The following OPHN1 variants were observed in gnomAD, a reference collection of about 807,000 sequenced individuals.
The protein encoded by OPHN1 is oligophrenin 1.
A neutral mutation model predicts 60.7 loss-of-function variants in OPHN1; 11 were observed. The ratio of observed to expected loss-of-function variants is 0.18; its 90% CI spans 0.11 to 0.30. OPHN1 has a LOEUF of 0.30. OPHN1 is among the 10% of genes least tolerant of loss of function. The probability of loss-of-function intolerance (pLI) is 1.00; values close to 1 mark genes in which losing one functional copy is unlikely to be tolerated. For synonymous variants in OPHN1, 226 were observed against 222.6 expected (o/e 1.02, Z -0.14); for missense variants, 449 against 611.0 (o/e 0.73, Z 2.80).
intron 19 of OPHN1, among the ~76,000 whole-genome samples, chrX:68,094,141 T>C: frequency 9.0e-6 from 1 of 111,067 alleles, no homozygotes; most frequent in Non-Finnish European, 1.9e-5. Flanking sequence ...ATTGCTCCAA[T>C]ACAATTCATT....
Position 68,370,011 on chromosome X carries a change from A to AATATATATATATAT in OPHN1, c.154+62842_154+62855dup, listed in dbSNP as rs761607454. On this transcript the variant is annotated intron_variant, in intron 2 of 24. Transcript: ENST00000355520. ...ACAGTGGGATGGCATAAATTGCTGA[A>AATATATATATATAT]ATATATATATATATATATATATATA... 6.0e-3 allele frequency among the ~76,000 whole-genome samples: 389 copies of AATATATATATATAT among 64,298 alleles called. 10 individuals carry two copies. The highest frequency in any genetic ancestry group is 0.027 in the African/African-American group (339 of 12,778). The allele number at this position is 64,298 out of a possible 115,157, so 55.8% of individuals were successfully genotyped here.
chrX:68,155,460 G>A (rs1602196331), intron 15 of OPHN1, among the ~76,000 whole-genome samples: 1 of 112,072 alleles, frequency 8.9e-6, no homozygotes, highest in East Asian at 2.8e-4. Flanking sequence ...CTGCCACCAT[G>A]TGAAGAAGGT....
intron 2 of OPHN1, among the ~76,000 whole-genome samples, chrX:68,345,868 C>T (rs980075062): frequency 1.6e-4 from 18 of 112,144 alleles, no homozygotes; most frequent in African/African-American, 5.5e-4. Flanking sequence ...AATCGGCTCA[C>T]GCCTATAATC....
At chrX:68,271,421 C>T (rs774898630) in intron 5 of OPHN1, among the ~76,000 whole-genome samples, 84 of 109,034 alleles carry the variant, frequency 7.7e-4, no homozygotes, top group Non-Finnish European at 1.4e-3. Flanking sequence ...CCTGTAGTCC[C>T]AGCAACTTGA....
At chrX:68,319,028 C>T (rs1438756141) in intron 2 of OPHN1, among the ~76,000 whole-genome samples, 1 of 111,586 alleles carries the variant, frequency 9.0e-6, no homozygotes, top group Non-Finnish European at 1.9e-5. Context: ...ACCTTGATCA[C>T]CTGGATAACG....
At chrX:68,064,610 A>T (rs992752834) in intron 20 of OPHN1, among the ~76,000 whole-genome samples, 2 of 112,143 alleles carry the variant, frequency 1.8e-5, no homozygotes, top group Non-Finnish European at 3.8e-5. Context: ...AACATACTTT[A>T]ACTTCGTTCT....
chrX:68,108,569 GCTTTAT>G (rs1877542714), intron 18 of OPHN1, among the ~76,000 whole-genome samples: 1 of 109,399 alleles, frequency 9.1e-6, no homozygotes, highest in Admixed American at 9.7e-5. Context: ...TTACTTTTTT[GCTTTAT>G]CTTTATAAGA....
At chrX:68,117,280 T>C (rs1448701117) in intron 16 of OPHN1, among the ~76,000 whole-genome samples, 4 of 111,695 alleles carry the variant, frequency 3.6e-5, no homozygotes, top group African/African-American at 1.3e-4. Flanking sequence ...CAACTCCTAC[T>C]TAGTTGATTC....
chrX:68,249,745 C>T (rs1225996983), intron 5 of OPHN1, among the ~76,000 whole-genome samples: 3 of 111,453 alleles, frequency 2.7e-5, no homozygotes, highest in Admixed American at 9.6e-5. Flanking sequence ...TCCCAGCATG[C>T]GGAACAGGCA....
chrX:68,112,004 ACT>A lies in OPHN1; in HGVS notation c.1421-47_1421-46del, dbSNP rs776157016. 5 of 904,524 alleles carry A rather than the reference ACT, an allele frequency of 5.5e-6. No individual in the cohort carries two copies. In the African/African-American group the frequency reaches 9.9e-5, roughly 18 times the overall value. The allele number at this position is 904,524 out of a possible 1,213,427, so 74.5% of individuals were successfully genotyped here. ...GATAAATGGTTTGGCTTTCTGGGCA[ACT>A]GGATTGAGCAAAATTCTCACATATA... is the stretch of plus-strand genomic sequence containing the variant. On this transcript the variant is annotated intron_variant, in intron 17 of 24. Coordinates refer to ENST00000355520, the MANE Select transcript of OPHN1 (RefSeq NM_002547.3).
chrX:68,054,418 G>A (rs2076864563), intron 21 of OPHN1, among the ~76,000 whole-genome samples: 1 of 110,479 alleles, frequency 9.1e-6, no homozygotes, highest in Non-Finnish European at 1.9e-5. Flanking sequence ...ATGTGAACTG[G>A]GCTTATTTTA....
intron 15 of OPHN1, among the ~76,000 whole-genome samples, chrX:68,169,916 A>C (rs868037174): frequency 0.11 from 11,435 of 105,282 alleles, 891 homozygotes; most frequent in African/African-American, 0.26. Flanking sequence ...GCAACAAAAG[A>C]CAAAATTGAC....
rs777790475 is a variant in OPHN1 at position 68,210,214 on chromosome X, G to C, written c.771C>G (p.Pro257=). ...GCTGTCCTGGAAGTTTGCATGTCTG[G>C]GGAGCTTCTTTCATCCTTTTCTTAA... is the stretch of plus-strand genomic sequence containing the variant. The part of the protein sequence containing the change: ...EELKKRMKEA[P]QTCKLPGQPT... Residue 257 remains proline, a synonymous_variant, in exon 9 of 25, where the codon CCC becomes CCG. Transcript: ENST00000355520. The C allele has an allele frequency of 8.3e-7, 1 of 1,206,455 alleles. No individual in the cohort carries two copies. The highest frequency in any genetic ancestry group is 1.8e-5 in the African/African-American group (1 of 57,083).
intron 2 of OPHN1, among the ~76,000 whole-genome samples, chrX:68,354,452 CAAAAAAAAAAAAA>C (rs1172935913): frequency 4.0e-5 from 1 of 24,844 alleles, no homozygotes; most frequent in Non-Finnish European, 7.2e-5. Flanking sequence ...GACTCCATCT[CAAAAAAAAAAAAA>C]AAAAAAAAAA....
intron 3 of OPHN1, 36 bp from the exon 4 acceptor site, chrX:68,283,153 C>A: frequency 4.6e-6 from 5 of 1,098,218 alleles, no homozygotes; most frequent in Non-Finnish European, 5.0e-6. Flanking sequence ...ACAAATTAAT[C>A]ATGGTGCTTG....
At chrX:68,422,009 C>T (rs1019686052) in intron 2 of OPHN1, among the ~76,000 whole-genome samples, 1 of 111,188 alleles carries the variant, frequency 9.0e-6, no homozygotes, top group African/African-American at 3.3e-5. Flanking sequence ...ACAGGTATCA[C>T]ACCACCAAGA....
At chrX:68,182,795 C>T (rs2077444347) in intron 15 of OPHN1, among the ~76,000 whole-genome samples, 1 of 111,449 alleles carries the variant, frequency 9.0e-6, no homozygotes, top group Admixed American at 9.5e-5. Flanking sequence ...GCCTGTAGTC[C>T]CAGCTACTCT....
intron 2 of OPHN1, among the ~76,000 whole-genome samples, chrX:68,405,745 A>T (rs1413207058): frequency 8.9e-6 from 1 of 112,136 alleles, no homozygotes; most frequent in African/African-American, 3.2e-5. Context: ...GAAAGGGTCC[A>T]CATTCCCATT....
chrX:68,232,460 C>A (rs2077733261), intron 6 of OPHN1, among the ~76,000 whole-genome samples: 1 of 111,633 alleles, frequency 9.0e-6, no homozygotes, highest in South Asian at 3.8e-4. Context: ...GTTGTAACAA[C>A]ACAGAGAAAA....
Sources: allele counts gnomAD v4.1 joint callset (sites outside exome capture counted in the v4.1 genomes callset), GRCh38; gene constraint gnomAD v4.1.1; transcripts MANE v1.5; gene names NCBI Gene and HGNC (gene_info 2026-07-23, HGNC 2026-07-21).